PIEZO2: variants seen among roughly 807,000 people sequenced by gnomAD.
PIEZO2 encodes the protein piezo-type mechanosensitive ion channel component 2.
In PIEZO2, 172 loss-of-function variants were observed where a neutral mutation model predicts 337.3. The ratio of observed to expected loss-of-function variants is 0.51; its 90% CI spans 0.45 to 0.58. PIEZO2 has a LOEUF of 0.58. Ranked by LOEUF, PIEZO2 falls within the 20% of genes least tolerant of loss-of-function variation. The probability of loss-of-function intolerance (pLI) is 0.00; values close to 1 mark genes in which losing one functional copy is unlikely to be tolerated. For synonymous variants in PIEZO2, 1,251 were observed against 1,228.5 expected (o/e 1.02, Z -0.38); for missense variants, 3,028 against 3,391.3 (o/e 0.89, Z 2.66).
chr18:10,860,766 G>A (rs899261794), intron 5 of PIEZO2, among the ~76,000 whole-genome samples: 11 of 152,310 alleles, frequency 7.2e-5, no homozygotes, highest in Non-Finnish European at 1.2e-4. Flanking sequence ...GAATTGCTAC[G>A]GATGTAGATT....
intron 1 of PIEZO2, among the ~76,000 whole-genome samples, chr18:11,141,202 G>A (rs1398924123): frequency 2.6e-5 from 4 of 152,074 alleles, no homozygotes; most frequent in African/African-American, 4.8e-5. Context: ...TGGCTGACGG[G>A]GCCTTCTATC....
intron 5 of PIEZO2, among the ~76,000 whole-genome samples, chr18:10,860,475 A>T (rs967163272): frequency 6.6e-6 from 1 of 152,016 alleles, no homozygotes; most frequent in Non-Finnish European, 1.5e-5. Context: ...AGCTTACTCC[A>T]TCTCCCCACA....
At chr18:10,927,920 A>G (rs1442740914) in intron 3 of PIEZO2, among the ~76,000 whole-genome samples, 1 of 152,180 alleles carries the variant, frequency 6.6e-6, no homozygotes, top group East Asian at 1.9e-4. Flanking sequence ...AGGGGAATAA[A>G]ATGTGTAGAA....
chr18:10,852,822 C>A (rs2041593874), intron 7 of PIEZO2, among the ~76,000 whole-genome samples: 1 of 152,154 alleles, frequency 6.6e-6, no homozygotes, highest in African/African-American at 2.4e-5. Context: ...AGTGGTCAGG[C>A]ATGAGTGGGG....
chr18:10,901,759 A>G (rs921136485), intron 4 of PIEZO2, among the ~76,000 whole-genome samples: 5 of 152,154 alleles, frequency 3.3e-5, no homozygotes, highest in Admixed American at 6.5e-5. Flanking sequence ...ATTCTTATCA[A>G]ATGGGGGCAA....
chr18:11,032,630 C>T lies in PIEZO2; in HGVS notation c.160+33497G>A, dbSNP rs1231411103. 1.3e-5 allele frequency among the ~76,000 whole-genome samples: 2 copies of T among 152,128 alleles called. No homozygotes were observed. Among genetic ancestry groups the T allele is most frequent in the Non-Finnish European group, 2.9e-5 (2 of 68,016 alleles). Reference sequence around the variant, plus strand: ...GATAGGTTTGTGCCTTTCAAAAAGGCAGTATGTTCTGAGCAATAAGGCAAA... The same window carrying T: ...GATAGGTTTGTGCCTTTCAAAAAGGTAGTATGTTCTGAGCAATAAGGCAAA... On this transcript the variant is annotated intron_variant, in intron 2 of 55. Transcript: ENST00000674853. The surrounding 1 kb of genome is among the most constrained non-coding windows in gnomAD (Gnocchi z 4.9).
In PIEZO2 at chr18:10,759,878, C is replaced by G; in HGVS notation, c.3482G>C (p.Gly1161Ala). 6 of 1,537,424 alleles carry G rather than the reference C, an allele frequency of 3.9e-6. No homozygotes were observed. Among genetic ancestry groups the G allele is most frequent in the Non-Finnish European group, 5.2e-6 (6 of 1,146,936 alleles). Residue 1161 changes from glycine (G) to alanine (A), a missense_variant, in exon 25 of 56, where the codon GGC (glycine) becomes GCC (alanine). By Grantham distance (60) the Gly-to-Ala change is moderately conservative. Transcript: ENST00000674853. This position sits in a 1 kb window ranked among gnomAD's most constrained non-coding sequence, Gnocchi z 5.5. Reference protein sequence around the residue: ...TCFLMSVNVIGQRMDFYAMIH... With the variant: ...TCFLMSVNVIAQRMDFYAMIH... ...CATGGCATAGAAATCCATTCGCTGG[C>G]CAATGACGTTAACTGACATTAGGAA...
Position 11,096,619 on chromosome 18 carries a change from C to T in PIEZO2, c.65-30397G>A, listed in dbSNP as rs11080490. Reference sequence around the variant, plus strand: ...ACCTTTAAATTTCTCAGATTTATGGCTTATTTCCTGCCCTTCACCCTCATC... The same window carrying T: ...ACCTTTAAATTTCTCAGATTTATGGTTTATTTCCTGCCCTTCACCCTCATC... On this transcript the variant is annotated intron_variant, in intron 1 of 55. Transcript: ENST00000674853. This position sits in a 1 kb window ranked among gnomAD's most constrained non-coding sequence, Gnocchi z 4.6. Among the ~76,000 whole-genome samples, 48,823 of 151,962 alleles carry T rather than the reference C, an allele frequency of 0.32. 8,458 individuals are homozygous for T. Among genetic ancestry groups the T allele is most frequent in the African/African-American group, 0.45 (18,588 of 41,430 alleles).
At chr18:10,706,973 A>G (rs939048236) in intron 40 of PIEZO2, among the ~76,000 whole-genome samples, 1 of 152,206 alleles carries the variant, frequency 6.6e-6, no homozygotes, top group Non-Finnish European at 1.5e-5. Context: ...GAATGAATGA[A>G]TGAATGAACC....
At chr18:10,807,838 T>G (rs577952261) in intron 7 of PIEZO2, among the ~76,000 whole-genome samples, 1 of 152,366 alleles carries the variant, frequency 6.6e-6, no homozygotes, top group African/African-American at 2.4e-5. Context: ...GCAATTTGAT[T>G]TTTTCAAAGC....
intron 2 of PIEZO2, among the ~76,000 whole-genome samples, chr18:11,051,913 G>T (rs775550465): frequency 9.2e-5 from 14 of 152,212 alleles, no homozygotes; most frequent in Admixed American, 1.3e-4. Context: ...AACTGGAAAG[G>T]CTTGGTGAAG....
chr18:10,963,372 G>C (rs1224974409), intron 3 of PIEZO2, among the ~76,000 whole-genome samples: 1 of 152,066 alleles, frequency 6.6e-6, no homozygotes, highest in Non-Finnish European at 1.5e-5. Flanking sequence ...TTTACTCTCT[G>C]GACTAAAAGC....
rs1276388899 is a variant in PIEZO2 at position 10,741,062 on chromosome 18, C to T, written c.4677G>A (p.Gln1559=). ...CATGATCAACCCAAGGCCGCCACCA[C>T]TGCTTTTTTTTGCCCTTGGCTTTCT... ...DKQKAKGKKK[Q]WWRPWVDHAS... is the part of the protein sequence containing the mutation. Residue 1559 remains glutamine, a synonymous_variant, in exon 33 of 56, where the codon CAG becomes CAA. Transcript: ENST00000674853. 16 of 1,537,194 alleles carry T rather than the reference C, an allele frequency of 1.0e-5. No individual in the cohort carries two copies. The South Asian group carries it at 1.8e-4, about 17-fold the overall frequency.
intron 7 of PIEZO2, among the ~76,000 whole-genome samples, chr18:10,822,686 C>T (rs1316143930): frequency 6.6e-6 from 1 of 152,138 alleles, no homozygotes; most frequent in Admixed American, 6.6e-5. Flanking sequence ...CAGGAGCCGG[C>T]TCACCACATT....
intron 2 of PIEZO2, among the ~76,000 whole-genome samples, chr18:11,046,956 T>C (rs765211435): frequency 6.6e-6 from 1 of 152,236 alleles, no homozygotes; most frequent in Non-Finnish European, 1.5e-5. Context: ...ACGCTCTCTC[T>C]TACTTTTTCC....
At chr18:10,807,315 G>A (rs1341687781) in intron 7 of PIEZO2, 41 bp from the exon 8 acceptor site, 2 of 1,502,912 alleles carry the variant, frequency 1.3e-6, no homozygotes, top group African/African-American at 2.8e-5. Context: ...GATGCAATAA[G>A]CTATATGTCT....
intron 1 of PIEZO2, among the ~76,000 whole-genome samples, chr18:11,100,981 CAG>C (rs2039404876): frequency 1.3e-5 from 2 of 152,200 alleles, no homozygotes; most frequent in Admixed American, 1.3e-4. Context: ...AACTTAAACT[CAG>C]GGGGTCATAG....
rs1248650130 is a variant in PIEZO2, at chr18:10,713,042, T to G, written c.5423+1722A>C. On this transcript the variant is annotated intron_variant, in intron 39 of 55. Coordinates refer to ENST00000674853, the MANE Select transcript of PIEZO2 (RefSeq NM_001378183.1). This position sits in a 1 kb window ranked among gnomAD's most constrained non-coding sequence, Gnocchi z 4.5. ...AAGACTTTAAAAGAATCAATACCTA[T>G]TTTAGGGGAGCAGGCAGGGATACAC... 6.6e-6 allele frequency among the ~76,000 whole-genome samples: 1 copy of G among 152,160 alleles called. No homozygotes were observed. The highest frequency in any genetic ancestry group is 1.5e-5 in the Non-Finnish European group (1 of 68,020).
chr18:11,137,949 TTC>T (rs1399815919), intron 1 of PIEZO2, among the ~76,000 whole-genome samples: 7 of 152,160 alleles, frequency 4.6e-5, no homozygotes, highest in Admixed American at 3.3e-4. Context: ...GGGTTTTTCC[TTC>T]TCTGTTCCCT....
Sources: gnomAD v4.1 joint callset for allele counts (sites outside exome capture counted in the v4.1 genomes callset) on GRCh38, gnomAD v4.1.1 for gene constraint, Gnocchi (gnomAD v3.1) non-coding constraint, MANE v1.5 for transcripts, NCBI Gene and HGNC (gene_info 2026-07-23, HGNC 2026-07-21) for gene names.